NUP210: variants seen among roughly 807,000 people sequenced by gnomAD.
NUP210 encodes nucleoporin 210.
Under a neutral mutation model 196.0 loss-of-function variants are expected in NUP210, and 151 were observed. The ratio of observed to expected loss-of-function variants is 0.77; its 90% confidence interval spans 0.67 to 0.88. The LOEUF (loss-of-function observed/expected upper bound fraction) is 0.88, where lower values mean the gene tolerates loss of function less well. Ranked by LOEUF, NUP210 falls within the 40% of genes least tolerant of loss-of-function variation. NUP210 has a pLI of 0.00. For synonymous variants in NUP210, 1,070 were observed against 1,052.7 expected, an observed-to-expected ratio of 1.02 and a Z score of -0.32; for missense variants, 2,314 against 2,493.7, an observed-to-expected ratio of 0.93 and a Z score of 1.53.
chr3:13,345,111 T>C (rs981654076), intron 20 of NUP210: 11 of 985,316 alleles, frequency 1.1e-5, no homozygotes, highest in South Asian at 4.7e-5. Context: ...CACATCTTGA[T>C]TGGATGAAGA....
At position 13,379,338 on chromosome 3, in the gene NUP210, C is replaced by T. The variant is rs529928324; in HGVS notation, c.976+225G>A. On this transcript the variant is annotated intron_variant, in intron 7 of 39. Coordinates refer to ENST00000254508, the MANE Select transcript of NUP210 (RefSeq NM_024923.4). The surrounding 1 kb of genome is among the most constrained non-coding windows in gnomAD (Gnocchi z 4.2). ...AAGTTTCTGGAGACGAGGAACGACA[C>T]TCAGCTCCTGCCATCACCTCCCACC... is the stretch of plus-strand genomic sequence containing the variant. Among the ~76,000 whole-genome samples the T allele has an allele frequency of 6.6e-6, 1 of 152,298 alleles. No homozygotes were observed. The highest frequency in any genetic ancestry group is 2.1e-4 in the South Asian group (1 of 4,828).
At chr3:13,338,563 CCCT>C (rs1697323867) in intron 25 of NUP210, among the ~76,000 whole-genome samples, 1 of 152,206 alleles carries the variant, frequency 6.6e-6, no homozygotes, top group Non-Finnish European at 1.5e-5. Flanking sequence ...GCACCCATTC[CCCT>C]CCTTTCACTC....
intron 20 of NUP210, among the ~76,000 whole-genome samples, chr3:13,349,343 C>T (rs1697884435): frequency 6.6e-6 from 1 of 152,176 alleles, no homozygotes; most frequent in Non-Finnish European, 1.5e-5. Flanking sequence ...TCTTACCATG[C>T]CCCCAGCTAC....
chr3:13,366,027 A>G lies in NUP210; in HGVS notation c.1851T>C (p.Ser617=). Residue 617 remains serine, a synonymous_variant, in exon 14 of 40, where the codon TCT becomes TCC. Transcript: ENST00000254508. ...GIRVKAEAQG[S]TTLLVSYRHG... ...GTCTGTAGCTCACAAGAAGCGTGGT[A>G]GAGCCCTGGGCCTCGGCCTTTACCC... 6.2e-7 allele frequency: 1 copy of G among 1,614,206 alleles called. No individual in the cohort carries two copies. The highest frequency in any genetic ancestry group is 8.5e-7 in the Non-Finnish European group (1 of 1,180,004).
chr3:13,359,697 C>G (rs1298819327), intron 15 of NUP210, among the ~76,000 whole-genome samples: 1 of 152,184 alleles, frequency 6.6e-6, no homozygotes, highest in Non-Finnish European at 1.5e-5. Context: ...TCACCCTCCC[C>G]GGGGAAGGAG....
intron 31 of NUP210, 86 bp downstream of exon 31, chr3:13,328,685 A>T: frequency 7.8e-7 from 1 of 1,277,712 alleles, no homozygotes; most frequent in East Asian, 2.3e-5. Flanking sequence ...CTTCAACAGC[A>T]GCAGACTTTC....
chr3:13,377,319 G>T, intron 9 of NUP210, 137 bp downstream of exon 9: 1 of 651,060 alleles, frequency 1.5e-6, no homozygotes. Flanking sequence ...ACAGACCCGG[G>T]AGCGCCACTA....
rs1261558573 is a variant in NUP210, at chr3:13,340,014, G to A, written c.3311C>T (p.Pro1104Leu). Residue 1104 changes from proline to leucine, a missense_variant, in exon 25 of 40, where the codon CCC (proline) becomes CTC (leucine). Coordinates refer to ENST00000254508, the MANE Select transcript of NUP210 (RefSeq NM_024923.4). This position sits in a 1 kb window ranked among gnomAD's most constrained non-coding sequence, Gnocchi z 4.0. Reference protein sequence around the residue: ...ATMQVTSEGGPQPQSNILFSI... With the variant: ...ATMQVTSEGGLQPQSNILFSI... ...GAAAAGGATGTTGGACTGAGGCTGG[G>A]GGCCGCCCTCGGAGGTGACCTGAGC... 3 of 1,613,826 alleles carry A rather than the reference G, an allele frequency of 1.9e-6. No homozygotes were observed. Among genetic ancestry groups the A allele is most frequent in the African/African-American group, 2.7e-5 (2 of 74,938 alleles).
At chr3:13,326,023 C>T in intron 32 of NUP210, 92 bp from the exon 33 acceptor site, 2 of 1,504,266 alleles carry the variant, frequency 1.3e-6, no homozygotes, top group South Asian at 1.2e-5. Flanking sequence ...AGCTTCCTCG[C>T]TGGCTGCCGC....
intron 21 of NUP210, among the ~76,000 whole-genome samples, chr3:13,342,551 A>G (rs1426717099): frequency 1.3e-5 from 2 of 152,204 alleles, no homozygotes; most frequent in African/African-American, 4.8e-5. Flanking sequence ...TTATACAAGG[A>G]GTATGTGAGG....
chr3:13,338,766 G>A (rs944169237), intron 25 of NUP210, among the ~76,000 whole-genome samples: 7 of 152,146 alleles, frequency 4.6e-5, no homozygotes, highest in African/African-American at 1.7e-4. Flanking sequence ...GATAGGGCTC[G>A]TGGTGCAGCC....
At chr3:13,381,570 C>G (rs1453409754) in intron 6 of NUP210, among the ~76,000 whole-genome samples, 5 of 152,050 alleles carry the variant, frequency 3.3e-5, no homozygotes, top group Non-Finnish European at 7.4e-5. Context: ...GCCACCATAC[C>G]TGGCCTTAGA....
intron 3 of NUP210, among the ~76,000 whole-genome samples, chr3:13,396,208 G>A (rs1185951523): frequency 1.3e-5 from 2 of 152,118 alleles, no homozygotes; most frequent in Non-Finnish European, 2.9e-5. Flanking sequence ...GGATGCTGCT[G>A]AACATCCTAT....
At position 13,373,712 on chromosome 3, in the gene NUP210, T is replaced by G. The variant is rs767074250; in HGVS notation, c.1587+6A>C. 2 of 1,613,900 alleles carry G rather than the reference T, an allele frequency of 1.2e-6. No individual in the cohort carries two copies. The highest frequency in any genetic ancestry group is 2.2e-5 in the East Asian group (1 of 44,856). ...CCCAGGGGGTGTCTTGGCCCTGAGA[T>G]CTCACCTTCATCTCACCGAAATGGA... On this transcript the variant is annotated splice_donor_region_variant and intron_variant, in intron 12 of 39. Transcript: ENST00000254508.
chr3:13,412,247 T>TTTTTTTTTTTTTTTA (rs1553605356), intron 1 of NUP210, among the ~76,000 whole-genome samples: 15 of 135,670 alleles, frequency 1.1e-4, no homozygotes, highest in African/African-American at 2.9e-4. Context: ...TTTTTTTTTT[T>TTTTTTTTTTTTTTTA]AGTAGAGACA....
chr3:13,367,969 C>T (rs1453757106), intron 13 of NUP210, among the ~76,000 whole-genome samples: 1 of 152,180 alleles, frequency 6.6e-6, no homozygotes, highest in Non-Finnish European at 1.5e-5. Flanking sequence ...ATGTGTTTAG[C>T]TGTAGAAATT....
At position 13,391,293 on chromosome 3, in the gene NUP210, T is replaced by G. The variant is rs758844929; in HGVS notation, c.451A>C (p.Thr151Pro). ...CACTCGAAGACCAGTCCAGCCAGAG[T>G]GCTGAAGGTGTTCCCTATAAGAGCA... The part of the protein sequence containing the change: ...ALDSEGNTFS[T>P]LAGLVFEWTI... Residue 151 changes from threonine (T) to proline (P), a missense_variant, in exon 4 of 40, where the codon ACT becomes CCT. By Grantham distance (38) the Thr-to-Pro change is conservative. Transcript: ENST00000254508. The G allele has an allele frequency of 3.1e-6, 5 of 1,609,624 alleles. No homozygotes were observed. Among genetic ancestry groups the G allele is most frequent in the Admixed American group, 1.7e-5 (1 of 59,650 alleles).
rs79064513 is a variant in NUP210 at position 13,323,154 on chromosome 3, C to T, written c.4768+155G>A. Among the ~76,000 whole-genome samples the T allele has an allele frequency of 3.6e-3, 549 of 152,220 alleles. 19 individuals carry two copies. In the South Asian group the frequency reaches 0.077, roughly 21 times the overall value. ...TTTTGGAGGACTCCAATTTCAGAAACGCTGGAAGGAGTGGATGAGTGGGGG... is the reference window on the plus strand; with the variant it reads ...TTTTGGAGGACTCCAATTTCAGAAATGCTGGAAGGAGTGGATGAGTGGGGG... On this transcript the variant is annotated intron_variant, in intron 34 of 39. Transcript: ENST00000254508. The surrounding 1 kb of genome is among the most constrained non-coding windows in gnomAD (Gnocchi z 4.3).
At chr3:13,388,947 C>G (rs1262732802) in intron 4 of NUP210, among the ~76,000 whole-genome samples, 1 of 152,226 alleles carries the variant, frequency 6.6e-6, no homozygotes, top group Non-Finnish European at 1.5e-5. Flanking sequence ...CCCTGGGCAC[C>G]AGACGGCACC....
Sources: gnomAD v4.1 joint callset for allele counts (sites outside exome capture counted in the v4.1 genomes callset) on GRCh38, gnomAD v4.1.1 for gene constraint, Gnocchi (gnomAD v3.1) non-coding constraint, MANE v1.5 for transcripts, NCBI Gene and HGNC (gene_info 2026-07-23, HGNC 2026-07-21) for gene names.